Variants in BSN observed in about 807,000 individuals in gnomAD.
The protein encoded by BSN is bassoon presynaptic cytomatrix protein.
In BSN, 57 loss-of-function variants were observed where a neutral mutation model predicts 264.8. The ratio of observed to expected loss-of-function variants is 0.22; its 90% CI spans 0.17 to 0.27. BSN has a LOEUF of 0.27. Ranked by LOEUF, BSN falls within the 10% of genes least tolerant of loss-of-function variation. The pLI is 1.00. For synonymous variants in BSN, 2,059 were observed against 2,137.3 expected (o/e 0.96, Z 1.01); for missense variants, 4,615 against 5,232.5 (o/e 0.88, Z 3.64).
rs1287527755 is a variant in BSN, at chr3:49,654,065, G to A, written c.4509G>A (p.Glu1503=). 6.2e-7 allele frequency: 1 copy of A among 1,613,852 alleles called. No homozygotes were observed. The highest frequency in any genetic ancestry group is 1.3e-5 in the African/African-American group (1 of 75,022). ...PGKMGPRATA[E]FSTQTPSPAP... ...AGATGGGCCCAAGGGCCACAGCAGA[G>A]TTCTCTACACAGACGCCAAGTCCAG... Residue 1503 remains glutamate (E), a synonymous_variant, in exon 5 of 12, where the codon GAG becomes GAA. Transcript: ENST00000296452. This position sits in a 1 kb window ranked among gnomAD's most constrained non-coding sequence, Gnocchi z 4.1.
At chr3:49,591,428 G>T (rs1442440765) in intron 1 of BSN, among the ~76,000 whole-genome samples, 1 of 152,116 alleles carries the variant, frequency 6.6e-6, no homozygotes, top group Non-Finnish European at 1.5e-5. Context: ...TTTTTGTGTG[G>T]ATTCAAATTA....
At chr3:49,623,329 A>G (rs1272216004) in intron 1 of BSN, among the ~76,000 whole-genome samples, 1 of 152,226 alleles carries the variant, frequency 6.6e-6, no homozygotes. Flanking sequence ...CACCCCAATG[A>G]GTACAGACTA....
intron 2 of BSN, chr3:49,641,482 CTA>C (rs1057332274): frequency 2.6e-5 from 4 of 152,278 alleles, no homozygotes; most frequent in African/African-American, 9.6e-5. Context: ...CAGAGGGAAA[CTA>C]TGTGTTTATC....
intron 1 of BSN, among the ~76,000 whole-genome samples, chr3:49,598,384 T>G (rs1441989931): frequency 6.6e-6 from 1 of 152,226 alleles, no homozygotes; most frequent in Non-Finnish European, 1.5e-5. Flanking sequence ...CTGAAGTGTG[T>G]AACTTCTGAT....
chr3:49,659,851 C>A (rs1170951298), intron 5 of BSN, among the ~76,000 whole-genome samples: 1 of 152,248 alleles, frequency 6.6e-6, no homozygotes, highest in East Asian at 1.9e-4. Context: ...AAGAGCACAG[C>A]CCAGAGGGTT....
chr3:49,650,857 C>A lies in BSN; in HGVS notation c.1764C>A (p.Pro588=), dbSNP rs1479155818. 1 of 1,614,202 alleles carries A rather than the reference C, an allele frequency of 6.2e-7. No homozygotes were observed. The highest frequency in any genetic ancestry group is 1.1e-5 in the South Asian group (1 of 91,080). ...GCCCTCTGCCCAGCAAGGCCAGCCC[C>A]CAGGCCAAGCCCCTCAGGGCTTCTG... is the stretch of plus-strand genomic sequence containing the variant. ...KASPLPSKAS[P]QAKPLRASEP... Residue 588 remains proline, a synonymous_variant, in exon 4 of 12, where the codon CCC becomes CCA. Transcript: ENST00000296452.
rs1242800920 is a variant in BSN, at chr3:49,653,975, T to G, written c.4419T>G (p.Phe1473Leu). ...AGCCTTCCCGGGCATATTCCTACTT[T>G]GCAAGCTCCAGCCCACCTCTCTCCC... Reference protein sequence around the residue: ...TPQPSRAYSYFASSSPPLSPS... With the variant: ...TPQPSRAYSYLASSSPPLSPS... Residue 1473 changes from phenylalanine to leucine, a missense_variant, in exon 5 of 12, where the codon TTT becomes TTG. Around this residue, in one of 3 missense-constraint regions of BSN, gnomAD observed 3,415 missense variants for 3,866.4 expected, o/e 0.88. Transcript: ENST00000296452. This position sits in a 1 kb window ranked among gnomAD's most constrained non-coding sequence, Gnocchi z 6.3. 3.1e-6 allele frequency: 5 copies of G among 1,613,884 alleles called. No individual in the cohort carries two copies. The highest frequency in any genetic ancestry group is 1.6e-4 in the Middle Eastern group (1 of 6,084).
intron 1 of BSN, among the ~76,000 whole-genome samples, chr3:49,623,196 G>A (rs142587458): frequency 6.6e-6 from 1 of 152,226 alleles, no homozygotes; most frequent in African/African-American, 2.4e-5. Flanking sequence ...TTCAGATGGG[G>A]GCAGCAAACT....
chr3:49,577,768 C>T (rs1014461279), intron 1 of BSN, among the ~76,000 whole-genome samples: 4 of 151,756 alleles, frequency 2.6e-5, no homozygotes, highest in Non-Finnish European at 4.4e-5. Flanking sequence ...TCAAACTCCT[C>T]ACCTCAAGTA....
intron 3 of BSN, among the ~76,000 whole-genome samples, chr3:49,645,430 C>A (rs1559612855): frequency 6.6e-6 from 1 of 152,190 alleles, no homozygotes; most frequent in Non-Finnish European, 1.5e-5. Flanking sequence ...CTCACCTCCT[C>A]CTCTTTAACC....
At position 49,660,543 on chromosome 3, in the gene BSN, C is replaced by G. The variant is rs756656041; in HGVS notation, c.8698C>G (p.Pro2900Ala). 1 of 1,577,044 alleles carries G rather than the reference C, an allele frequency of 6.3e-7. No individual in the cohort carries two copies. The highest frequency in any genetic ancestry group is 8.6e-7 in the Non-Finnish European group (1 of 1,159,982). ...VRKVKRTLPS[P>A]PPEEAHLPLA... ...CAAGGTGAAGCGGACACTGCCCAGCCCCCCTCCAGAGGAGGCTCACCTTCC... is the reference window on the plus strand; with the variant it reads ...CAAGGTGAAGCGGACACTGCCCAGCGCCCCTCCAGAGGAGGCTCACCTTCC... The change falls in exon 6 of 12, where the codon CCC becomes GCC. Residue 2900 changes from proline (P) to alanine (A), a missense_variant. Around this residue, in one of 3 missense-constraint regions of BSN, gnomAD observed 3,415 missense variants for 3,866.4 expected, o/e 0.88. Transcript: ENST00000296452. The surrounding 1 kb of genome is among the most constrained non-coding windows in gnomAD (Gnocchi z 7.1).
At chr3:49,619,259 T>C (rs1429947340) in intron 1 of BSN, among the ~76,000 whole-genome samples, 1 of 152,260 alleles carries the variant, frequency 6.6e-6, no homozygotes, top group East Asian at 1.9e-4. Flanking sequence ...GTTGTGCATG[T>C]GCTTACTGAG....
At chr3:49,593,789 T>TG (rs2051998679) in intron 1 of BSN, among the ~76,000 whole-genome samples, 1 of 147,232 alleles carries the variant, frequency 6.8e-6, no homozygotes, top group Non-Finnish European at 1.5e-5. Context: ...TTTTTTTTTG[T>TG]TTTGTTTTGT....
chr3:49,638,770 G>T lies in BSN; in HGVS notation c.634-3498G>T, dbSNP rs1051104081. Among the ~76,000 whole-genome samples the T allele has an allele frequency of 1.7e-4, 26 of 152,200 alleles. No individual in the cohort carries two copies. Among genetic ancestry groups the T allele is most frequent in the Non-Finnish European group, 1.8e-4 (12 of 68,040 alleles). On this transcript the variant is annotated intron_variant, in intron 2 of 11. Transcript: ENST00000296452. This position sits in a 1 kb window ranked among gnomAD's most constrained non-coding sequence, Gnocchi z 4.3. ...TGCAGGCGGTTTGGCACGTGCCTTT[G>T]TTCAGCCTGATTCAGAACCCCAGGG...
At chr3:49,615,510 GGCC>G (rs1028391535) in intron 1 of BSN, among the ~76,000 whole-genome samples, 11 of 152,094 alleles carry the variant, frequency 7.2e-5, no homozygotes, top group African/African-American at 2.7e-4. Context: ...AGAAGATGTC[GGCC>G]TCAAGGGAGC....
chr3:49,666,509 C>G (rs1394823501), intron 11 of BSN, among the ~76,000 whole-genome samples: 2 of 152,170 alleles, frequency 1.3e-5, no homozygotes, highest in Non-Finnish European at 2.9e-5. Context: ...AAATAAAATT[C>G]AATTAAAAAG....
intron 1 of BSN, among the ~76,000 whole-genome samples, chr3:49,556,350 C>T (rs1354241078): frequency 2.0e-5 from 3 of 152,222 alleles, no homozygotes; most frequent in Non-Finnish European, 2.9e-5. Flanking sequence ...CTGGGCAGCT[C>T]AGAGGGACCG....
chr3:49,589,581 A>C (rs1575430682), intron 1 of BSN, among the ~76,000 whole-genome samples: 1 of 145,282 alleles, frequency 6.9e-6, no homozygotes, highest in East Asian at 2.1e-4. Context: ...ATCTCAGCTC[A>C]CAGCAACCTC....
At chr3:49,662,770 T>C (rs1483349326) in intron 6 of BSN, 106 bp from the exon 7 acceptor site, 9 of 1,447,770 alleles carry the variant, frequency 6.2e-6, no homozygotes, top group Non-Finnish European at 8.3e-6. Context: ...GCTGATCTGC[T>C]TGTGGCTGTG....
Sources: allele counts gnomAD v4.1 joint callset (sites outside exome capture counted in the v4.1 genomes callset), GRCh38; gene constraint gnomAD v4.1.1; regional missense constraint gnomAD v4.1.1; non-coding constraint Gnocchi (gnomAD v3.1); transcripts MANE v1.5; gene names NCBI Gene and HGNC (gene_info 2026-07-23, HGNC 2026-07-21).